ROBO2: variants seen among roughly 807,000 people sequenced by gnomAD.
The protein encoded by ROBO2 is roundabout homolog 2.
Under a neutral mutation model 160.8 loss-of-function variants are expected in ROBO2, and 53 were observed. The observed-to-expected ratio is 0.33, with a 90% confidence interval of 0.26 to 0.41. The LOEUF (loss-of-function observed/expected upper bound fraction) is 0.41, where lower values mean the gene tolerates loss of function less well. Ranked by LOEUF, ROBO2 falls within the 10% of genes least tolerant of loss-of-function variation. The probability of loss-of-function intolerance (pLI) is 1.00; values close to 1 mark genes in which losing one functional copy is unlikely to be tolerated. For missense variants in ROBO2, 1,577 were observed against 1,722.4 expected (o/e 0.92, Z 1.49); for synonymous variants, 664 against 611.7 (o/e 1.09, Z -1.26).
chr3:77,447,488 G>A (rs560930394), intron 2 of ROBO2, among the ~76,000 whole-genome samples: 1 of 152,162 alleles, frequency 6.6e-6, no homozygotes, highest in South Asian at 2.1e-4. Context: ...TAATGTAATA[G>A]GCTTTTGGTT....
chr3:77,083,970 G>C (rs1470802026), intron 1 of ROBO2, among the ~76,000 whole-genome samples: 2 of 152,036 alleles, frequency 1.3e-5, no homozygotes, highest in Non-Finnish European at 2.9e-5. Flanking sequence ...CACCATGAGA[G>C]GGAATGAGTT....
chr3:77,435,964 T>C (rs2079240113), intron 2 of ROBO2, among the ~76,000 whole-genome samples: 1 of 150,942 alleles, frequency 6.6e-6, no homozygotes, highest in African/African-American at 2.4e-5. Flanking sequence ...GACTCACTTC[T>C]TAATCAAGAA....
chr3:76,460,148 A>T (rs531904803), intron 2 of ROBO2, among the ~76,000 whole-genome samples: 1 of 152,240 alleles, frequency 6.6e-6, no homozygotes, highest in East Asian at 1.9e-4. Context: ...ACATTTATAA[A>T]AAAAAACTGA....
At chr3:75,909,862 C>T (rs550267542) in intron 1 of ROBO2, among the ~76,000 whole-genome samples, 94 of 152,266 alleles carry the variant, frequency 6.2e-4, no homozygotes, top group African/African-American at 2.1e-3. Flanking sequence ...AAGAGCAAGA[C>T]CAATTGTATT....
intron 1 of ROBO2, among the ~76,000 whole-genome samples, chr3:75,911,040 T>C (rs1946557339): frequency 6.6e-6 from 1 of 152,038 alleles, no homozygotes; most frequent in Non-Finnish European, 1.5e-5. Context: ...AATGCAATTT[T>C]TTTTTTACTG....
Position 76,384,632 on chromosome 3 carries a change from G to A in ROBO2, c.109+447030G>A, listed in dbSNP as rs141854460. Among the ~76,000 whole-genome samples the A allele has an allele frequency of 3.3e-3, 501 of 152,282 alleles. 6 individuals carry two copies. Among genetic ancestry groups the A allele is most frequent in the Admixed American group, 0.024 (367 of 15,304 alleles). The stretch of plus-strand genomic sequence containing the variant: ...TGACTCACAGTTCCACAGGACTGGG[G>A]AGGCCTCAAGAAACTTACAACCATG... On this transcript the variant is annotated intron_variant, in intron 2 of 26. Coordinates refer to the ROBO2 transcript ENST00000487694.
intron 2 of ROBO2, among the ~76,000 whole-genome samples, chr3:77,112,874 A>G (rs80239279): frequency 0.036 from 5,443 of 152,248 alleles, 275 homozygotes; most frequent in East Asian, 0.24. Flanking sequence ...GTTGCATAAA[A>G]TATGTTTTGA....
chr3:77,430,009 G>T lies in ROBO2; in HGVS notation c.389-47405G>T, dbSNP rs79748438. On this transcript the variant is annotated intron_variant, in intron 2 of 25. Coordinates refer to ENST00000461745, the Ensembl canonical transcript of ROBO2. ...GGCTTCTGTGCAATGGACAGTGATC[G>T]ATATGTTTCATATAATCCTATCCCT... is the stretch of plus-strand genomic sequence containing the variant. 2.7e-3 allele frequency among the ~76,000 whole-genome samples: 416 copies of T among 152,190 alleles called. 1 individual carries two copies. The highest frequency in any genetic ancestry group is 9.4e-3 in the African/African-American group (391 of 41,530).
At chr3:76,867,260 G>A (rs1185449596) in intron 2 of ROBO2, among the ~76,000 whole-genome samples, 1 of 152,118 alleles carries the variant, frequency 6.6e-6, no homozygotes, top group Non-Finnish European at 1.5e-5. Flanking sequence ...CTGTCATAAA[G>A]CATTCGTTTA....
At chr3:77,550,767 A>AT (rs759511773) in intron 7 of ROBO2, 51 bp from the exon 9 acceptor site, 41 of 1,590,834 alleles carry the variant, frequency 2.6e-5, no homozygotes, top group South Asian at 1.1e-4. Context: ...TATTCACATA[A>AT]TTTTTTTAAG....
At chr3:77,382,625 G>T (rs1428048577) in intron 2 of ROBO2, among the ~76,000 whole-genome samples, 1 of 152,042 alleles carries the variant, frequency 6.6e-6, no homozygotes, top group Non-Finnish European at 1.5e-5. Context: ...GTCTGCCTTT[G>T]CATCCCCATA....
intron 2 of ROBO2, among the ~76,000 whole-genome samples, chr3:76,185,215 T>TACACAC (rs1553669701): frequency 1.1e-4 from 10 of 90,264 alleles, no homozygotes; most frequent in African/African-American, 3.0e-4. Context: ...TATATATATA[T>TACACAC]ACACACACAA....
At chr3:76,801,015 A>G (rs1351606372) in intron 2 of ROBO2, among the ~76,000 whole-genome samples, 1 of 152,198 alleles carries the variant, frequency 6.6e-6, no homozygotes, top group Non-Finnish European at 1.5e-5. Context: ...GCATCAACAG[A>G]CAAATGAATA....
intron 2 of ROBO2, among the ~76,000 whole-genome samples, chr3:76,779,121 A>G (rs996754864): frequency 6.0e-5 from 9 of 151,068 alleles, no homozygotes; most frequent in Non-Finnish European, 1.2e-4. Context: ...CTGTGGTACC[A>G]TGGAGGCATT....
chr3:76,943,685 C>G (rs1478487515), intron 2 of ROBO2, among the ~76,000 whole-genome samples: 1 of 152,132 alleles, frequency 6.6e-6, no homozygotes, highest in Non-Finnish European at 1.5e-5. Context: ...ACAGAAAAGC[C>G]ACTGTTTGTA....
chr3:76,284,593 G>A (rs566222817), intron 2 of ROBO2, among the ~76,000 whole-genome samples: 27 of 151,998 alleles, frequency 1.8e-4, no homozygotes, highest in Admixed American at 3.3e-4. Flanking sequence ...ATAACATTCA[G>A]GTCTGATTTC....
At chr3:76,685,636 T>C (rs1175287785) in intron 2 of ROBO2, among the ~76,000 whole-genome samples, 1 of 152,164 alleles carries the variant, frequency 6.6e-6, no homozygotes, top group Admixed American at 6.6e-5. Flanking sequence ...AAAGTTTTGG[T>C]ATCCATTTGA....
intron 2 of ROBO2, among the ~76,000 whole-genome samples, chr3:77,164,848 C>T (rs1197396535): frequency 7.4e-5 from 3 of 40,486 alleles, no homozygotes; most frequent in African/African-American, 1.8e-4. Flanking sequence ...AAGTGAGGAG[C>T]CCCTCAGCCC....
intron 2 of ROBO2, among the ~76,000 whole-genome samples, chr3:76,387,379 G>T (rs1167227132): frequency 2.0e-5 from 3 of 152,026 alleles, no homozygotes; most frequent in Non-Finnish European, 4.4e-5. Flanking sequence ...GAATCTTGAA[G>T]AATCATTTAT....
Sources: gnomAD v4.1 joint callset for allele counts (sites outside exome capture counted in the v4.1 genomes callset) on GRCh38, gnomAD v4.1.1 for gene constraint, MANE v1.5 for transcripts, NCBI Gene and HGNC (gene_info 2026-07-23, HGNC 2026-07-21) for gene names.